The following UBE2E2 variants were observed in gnomAD, a reference collection of about 807,000 sequenced individuals.
UBE2E2 encodes the protein ubiquitin-conjugating enzyme E2 E2.
In UBE2E2, 6 loss-of-function variants were observed where a neutral mutation model predicts 24.7. That is an observed-to-expected ratio of 0.24 (90% confidence interval 0.13 to 0.48). The LOEUF is 0.48. Among genes scored for constraint, UBE2E2 ranks in the 20% least tolerant of loss-of-function variants. UBE2E2 has a pLI of 0.99. For synonymous variants in UBE2E2, 104 were observed against 83.6 expected, an observed-to-expected ratio of 1.24 and a Z score of -1.33; for missense variants, 169 against 245.0, an observed-to-expected ratio of 0.69 and a Z score of 2.07.
At chr3:23,286,498 A>G (rs920529538) in intron 3 of UBE2E2, among the ~76,000 whole-genome samples, 1 of 151,952 alleles carries the variant, frequency 6.6e-6, no homozygotes, top group Non-Finnish European at 1.5e-5. Context: ...ATTTTGTTTC[A>G]TTGGTCTGTG....
chr3:23,407,534 G>A lies in UBE2E2; in HGVS notation c.228-92074G>A, dbSNP rs190000534. On this transcript the variant is annotated intron_variant, in intron 3 of 5. Coordinates refer to ENST00000396703, the MANE Select transcript of UBE2E2 (RefSeq NM_152653.4). This position sits in a 1 kb window ranked among gnomAD's most constrained non-coding sequence, Gnocchi z 4.0. ...TACTCATCCCTCTTCTTTCACTACCGTCAACATTTGCTACATCCTTTATCT... is the reference window on the plus strand; with the variant it reads ...TACTCATCCCTCTTCTTTCACTACCATCAACATTTGCTACATCCTTTATCT... 2.2e-4 allele frequency among the ~76,000 whole-genome samples: 33 copies of A among 151,848 alleles called. No individual in the cohort carries two copies. The highest frequency in any genetic ancestry group is 3.4e-3 in the Middle Eastern group (1 of 294).
intron 5 of UBE2E2, among the ~76,000 whole-genome samples, chr3:23,552,383 T>G (rs181084986): frequency 6.6e-6 from 1 of 152,266 alleles, no homozygotes; most frequent in East Asian, 1.9e-4. Context: ...AGAATGTCAA[T>G]AAAAATATTC....
intron 3 of UBE2E2, among the ~76,000 whole-genome samples, chr3:23,337,817 G>A (rs981807853): frequency 2.6e-5 from 4 of 152,180 alleles, no homozygotes; most frequent in Non-Finnish European, 5.9e-5. Flanking sequence ...TTTAGGCTAC[G>A]CTGAGGATTT....
At chr3:23,365,096 A>G (rs1369214364) in intron 3 of UBE2E2, among the ~76,000 whole-genome samples, 3 of 152,208 alleles carry the variant, frequency 2.0e-5, no homozygotes, top group African/African-American at 7.2e-5. Flanking sequence ...AGAACCCTCA[A>G]CAAACTAGGC....
intron 3 of UBE2E2, among the ~76,000 whole-genome samples, chr3:23,392,773 G>A (rs1696970381): frequency 6.6e-6 from 1 of 152,088 alleles, no homozygotes; most frequent in Non-Finnish European, 1.5e-5. Flanking sequence ...AGAGGTTCTG[G>A]GCTTAGTCCA....
At chr3:23,428,885 C>G (rs1047885845) in intron 3 of UBE2E2, among the ~76,000 whole-genome samples, 1 of 136,180 alleles carries the variant, frequency 7.3e-6, no homozygotes, top group Non-Finnish European at 1.5e-5. Flanking sequence ...TGTCATCATA[C>G]CATTGCAGTC....
intron 4 of UBE2E2, among the ~76,000 whole-genome samples, chr3:23,515,686 G>C (rs1694719090): frequency 6.6e-6 from 1 of 152,078 alleles, no homozygotes; most frequent in African/African-American, 2.4e-5. Context: ...GCAAGGTGCA[G>C]TGGCTAACGC....
chr3:23,431,260 C>A (rs1235471476), intron 3 of UBE2E2, among the ~76,000 whole-genome samples: 1 of 152,114 alleles, frequency 6.6e-6, no homozygotes, highest in African/African-American at 2.4e-5. Context: ...AGATGGTACA[C>A]TGAAGAAAGA....
chr3:23,240,739 G>C (rs1200130749), intron 3 of UBE2E2, among the ~76,000 whole-genome samples: 1 of 152,200 alleles, frequency 6.6e-6, no homozygotes, highest in African/African-American at 2.4e-5. Flanking sequence ...GATAGCTTAA[G>C]TATTTTCTCT....
chr3:23,579,384 CA>C (rs796492703), intron 5 of UBE2E2, among the ~76,000 whole-genome samples: 19,213 of 86,902 alleles, frequency 0.22, 2,289 homozygotes, highest in African/African-American at 0.45. Flanking sequence ...GACTCCATCT[CA>C]AAAAAAAAAA....
At chr3:23,318,296 C>G (rs1694639136) in intron 3 of UBE2E2, among the ~76,000 whole-genome samples, 1 of 152,098 alleles carries the variant, frequency 6.6e-6, no homozygotes, top group South Asian at 2.1e-4. Flanking sequence ...TCCTGAGTAG[C>G]TGGGACTACC....
At chr3:23,524,145 T>G (rs185870342) in intron 4 of UBE2E2, among the ~76,000 whole-genome samples, 1 of 152,194 alleles carries the variant, frequency 6.6e-6, no homozygotes, top group Non-Finnish European at 1.5e-5. Flanking sequence ...TCAGAATTAG[T>G]TTTTCATCTT....
At chr3:23,504,494 T>C (rs1694384155) in intron 4 of UBE2E2, among the ~76,000 whole-genome samples, 1 of 152,068 alleles carries the variant, frequency 6.6e-6, no homozygotes. Flanking sequence ...GTTTATAGAG[T>C]TTTTGGTAAC....
chr3:23,432,786 A>G (rs1698090512), intron 3 of UBE2E2, among the ~76,000 whole-genome samples: 1 of 151,944 alleles, frequency 6.6e-6, no homozygotes, highest in African/African-American at 2.4e-5. Context: ...ACAGTCACAC[A>G]GAGACTTCTT....
At chr3:23,381,744 A>G (rs114933903) in intron 3 of UBE2E2, among the ~76,000 whole-genome samples, 1,788 of 152,372 alleles carry the variant, frequency 0.012, 35 homozygotes, top group East Asian at 0.08. Context: ...ACTGTTCTTT[A>G]TAATTGTGAG....
chr3:23,268,524 C>T (rs13073916), intron 3 of UBE2E2, among the ~76,000 whole-genome samples: 120,794 of 144,176 alleles, frequency 0.84, 50,790 homozygotes, highest in African/African-American at 0.9. Flanking sequence ...CAAGGAGAAC[C>T]ACAAACCACT....
At position 23,524,894 on chromosome 3, in the gene UBE2E2, G is replaced by A. The variant is rs533889232; in HGVS notation, c.361-7660G>A. On this transcript the variant is annotated intron_variant, in intron 4 of 5. Transcript: ENST00000396703. Reference sequence around the variant, plus strand: ...CACACACACACACACACACACACACGTGTGCACTATATTAGTTTCCTGTTG... The same window carrying A: ...CACACACACACACACACACACACACATGTGCACTATATTAGTTTCCTGTTG... Among the ~76,000 whole-genome samples the A allele has an allele frequency of 2.2e-4, 24 of 108,240 alleles. No individual in the cohort carries two copies. In the East Asian group the frequency reaches 7.0e-3, roughly 32 times the overall value. The allele number at this position is 108,240 out of a possible 152,430, so 71.0% of individuals were successfully genotyped here.
intron 3 of UBE2E2, among the ~76,000 whole-genome samples, chr3:23,394,993 A>G (rs963292773): frequency 2.6e-5 from 4 of 152,158 alleles, no homozygotes; most frequent in Non-Finnish European, 4.4e-5. Context: ...GTGGGGAGGA[A>G]AAGCCCTCCT....
chr3:23,378,209 T>C (rs79602623), intron 3 of UBE2E2, among the ~76,000 whole-genome samples: 1 of 105,682 alleles, frequency 9.5e-6, no homozygotes, highest in Non-Finnish European at 1.9e-5. Flanking sequence ...GAGCAGAATA[T>C]ACTCAAAGCC....
Sources: allele counts gnomAD v4.1 joint callset (sites outside exome capture counted in the v4.1 genomes callset), GRCh38; gene constraint gnomAD v4.1.1; non-coding constraint Gnocchi (gnomAD v3.1); transcripts MANE v1.5; gene names NCBI Gene and HGNC (gene_info 2026-07-23, HGNC 2026-07-21).